Variants in VASN observed in about 807,000 individuals in gnomAD.
VASN encodes the protein vasorin.
In VASN, 5 loss-of-function variants were observed where a neutral mutation model predicts 4.8. That is an observed-to-expected ratio of 1.03 (90% CI 0.54 to 2.17). The LOEUF is 2.17. Ranked by LOEUF, VASN falls within the 30% of genes most tolerant of loss-of-function variation. The pLI is 0.01. For synonymous variants in VASN, 499 were observed against 460.8 expected, an observed-to-expected ratio of 1.08 and a Z score of -1.06; for missense variants, 927 against 948.8, an observed-to-expected ratio of 0.98 and a Z score of 0.30.
rs1372875798 is a variant in VASN, at chr16:4,381,959, C to A, written c.1082C>A (p.Thr361Lys). Reference sequence around the variant, plus strand: ...ACCACCACAGCCACAGTGCCCACCACGAGGCCCGTGGTGCGGGAGCCCACA... The same window carrying A: ...ACCACCACAGCCACAGTGCCCACCAAGAGGCCCGTGGTGCGGGAGCCCACA... ...ATTTTATVPT[T>K]RPVVREPTAL... is the part of the protein sequence containing the mutation. The change falls in exon 2 of 2, where the codon ACG becomes AAG. Residue 361 changes from threonine to lysine, a missense_variant. Thr to Lys is a moderately conservative substitution (Grantham distance 78). Transcript: ENST00000304735. The A allele has an allele frequency of 2.5e-6, 4 of 1,608,570 alleles. No individual in the cohort carries two copies. Among genetic ancestry groups the A allele is most frequent in the Non-Finnish European group, 3.4e-6 (4 of 1,178,982 alleles).
intron 1 of VASN, among the ~76,000 whole-genome samples, chr16:4,377,710 G>C (rs1183452974): frequency 6.6e-6 from 1 of 152,190 alleles, no homozygotes; most frequent in Non-Finnish European, 1.5e-5. Flanking sequence ...TGCCCTCAGA[G>C]CTGCCAGCCT....
chr16:4,377,277 G>C (rs2054769680), intron 1 of VASN, among the ~76,000 whole-genome samples: 1 of 150,844 alleles, frequency 6.6e-6, no homozygotes, highest in South Asian at 2.1e-4. Flanking sequence ...TCCTGCACCA[G>C]GCAGAGGAAA....
intron 1 of VASN, among the ~76,000 whole-genome samples, chr16:4,378,753 C>T (rs1433798515): frequency 6.6e-6 from 1 of 152,070 alleles, no homozygotes; most frequent in Non-Finnish European, 1.5e-5. Flanking sequence ...CTGGAGACAC[C>T]TATGGCAAAG....
chr16:4,379,358 C>T (rs909374214), intron 1 of VASN, among the ~76,000 whole-genome samples: 17 of 152,062 alleles, frequency 1.1e-4, no homozygotes, highest in African/African-American at 3.9e-4. Context: ...CAGCGGTCTC[C>T]CCAGGAGTCT....
In VASN at chr16:4,382,958, C is replaced by G; in HGVS notation, c.*59C>G. The G allele has an allele frequency of 1.4e-6, 2 of 1,433,326 alleles. No individual in the cohort carries two copies. The highest frequency in any genetic ancestry group is 2.0e-4 in the Middle Eastern group (1 of 4,970). 88.8% of individuals were successfully genotyped at this position (1,433,326 alleles called of 1,614,324 possible). On this transcript the variant is annotated 3_prime_UTR_variant, in exon 2 of 2. Coordinates refer to ENST00000304735, the MANE Select transcript of VASN (RefSeq NM_138440.3). ...CTCAGCCAGTGAGATGGCCAGCCCC[C>G]TCCTGCTGCCACACCACGTAAGTTC...
Position 4,383,326 on chromosome 16 carries a change from C to T in VASN, c.*427C>T, listed in dbSNP as rs1458165633. ...TGACTCTAGTCTTGGCCCCAGGAAG[C>T]GAAGGAACAAAAGAAACTGGAAAGG... On this transcript the variant is annotated 3_prime_UTR_variant, in exon 2 of 2. Transcript: ENST00000304735. 4 of 198,034 alleles carry T rather than the reference C, an allele frequency of 2.0e-5. No individual in the cohort carries two copies. Among genetic ancestry groups the T allele is most frequent in the African/African-American group, 4.7e-5 (2 of 42,608 alleles). 12.3% of individuals were successfully genotyped at this position (198,034 alleles called of 1,614,324 possible).
intron 1 of VASN, among the ~76,000 whole-genome samples, chr16:4,372,459 G>C (rs2054569344): frequency 6.6e-6 from 1 of 152,230 alleles, no homozygotes; most frequent in Non-Finnish European, 1.5e-5. Context: ...ACAGCTGGGG[G>C]CTACAGATAT....
In VASN at chr16:4,382,819, G is replaced by C; in HGVS notation, c.1942G>C (p.Gly648Arg). Residue 648 changes from glycine (G) to arginine (R), a missense_variant, in exon 2 of 2, where the codon GGG becomes CGG. Gly to Arg is a moderately radical substitution (Grantham distance 125). Transcript: ENST00000304735. ...TEGGGEALPS[G>R]SECEVPLMGF... ...GGGCGGTGGAGAGGCCCTGCCCAGC[G>C]GGTCTGAGTGTGAGGTGCCACTCAT... 6.3e-7 allele frequency: 1 copy of C among 1,597,004 alleles called. No homozygotes were observed. The highest frequency in any genetic ancestry group is 8.5e-7 in the Non-Finnish European group (1 of 1,172,844).
chr16:4,379,040 A>G (rs1294222807), intron 1 of VASN, among the ~76,000 whole-genome samples: 2 of 151,978 alleles, frequency 1.3e-5, no homozygotes, highest in Non-Finnish European at 2.9e-5. Flanking sequence ...TGACTTGTCT[A>G]ATCTGTCCTG....
intron 1 of VASN, among the ~76,000 whole-genome samples, chr16:4,378,517 G>A (rs1330502987): frequency 1.3e-5 from 2 of 152,180 alleles, no homozygotes; most frequent in East Asian, 3.9e-4. Context: ...CTGGAGGCCA[G>A]GCCGCACCCG....
At chr16:4,379,098 A>AG (rs2141238241) in intron 1 of VASN, among the ~76,000 whole-genome samples, 1 of 152,014 alleles carries the variant, frequency 6.6e-6, no homozygotes, top group South Asian at 2.1e-4. Context: ...TACCTGGGGG[A>AG]GAGGGAGCCC....
chr16:4,376,000 G>A (rs1372382375), intron 1 of VASN, among the ~76,000 whole-genome samples: 1 of 152,212 alleles, frequency 6.6e-6, no homozygotes, highest in Non-Finnish European at 1.5e-5. Context: ...TCTGTGGAAT[G>A]AAGAGCGCCA....
chr16:4,376,258 C>T (rs1051190680), intron 1 of VASN, among the ~76,000 whole-genome samples: 4 of 152,210 alleles, frequency 2.6e-5, no homozygotes, highest in Non-Finnish European at 5.9e-5. Flanking sequence ...TGAGCCTCCT[C>T]GGACACGTCA....
rs939949437 is a variant in VASN, at chr16:4,383,093, C to T, written c.*194C>T. ...CTGTGAGATGCTGTGGCCCAGCTGA[C>T]GAGCCCTAACGTCCCCAGAACCGAG... On this transcript the variant is annotated 3_prime_UTR_variant, in exon 2 of 2. Transcript: ENST00000304735. 6.5e-6 allele frequency: 4 copies of T among 611,792 alleles called. No individual in the cohort carries two copies. The highest frequency in any genetic ancestry group is 2.7e-5 in the South Asian group (1 of 36,978). The allele number at this position is 611,792 out of a possible 1,614,324, so 37.9% of individuals were successfully genotyped here. A position where few individuals can be genotyped will look rare whatever the true frequency, so the allele number is the denominator to read the frequency against.
At position 4,383,351 on chromosome 16, in the gene VASN, G is replaced by A. The variant is rs1198147884; in HGVS notation, c.*452G>A. 1 of 181,038 alleles carries A rather than the reference G, an allele frequency of 5.5e-6. No homozygotes were observed. Among genetic ancestry groups the A allele is most frequent in the African/African-American group, 2.4e-5 (1 of 42,034 alleles). 11.2% of individuals were successfully genotyped at this position (181,038 alleles called of 1,614,324 possible). A position where few individuals can be genotyped will look rare whatever the true frequency, so the allele number is the denominator to read the frequency against. On this transcript the variant is annotated 3_prime_UTR_variant, in exon 2 of 2. Transcript: ENST00000304735. ...CGAAGGAACAAAAGAAACTGGAAAG[G>A]AAGATGCTTTAGGAACATGTTTTGC...
At position 4,381,035 on chromosome 16, in the gene VASN, A is replaced by C. The variant is rs1368243773; in HGVS notation, c.158A>C (p.Asp53Ala). The change falls in exon 2 of 2, where the codon GAC becomes GCC. Residue 53 changes from aspartate (D) to alanine (A), a missense_variant. By Grantham distance (126) the Asp-to-Ala change is moderately radical. Coordinates refer to ENST00000304735, the MANE Select transcript of VASN (RefSeq NM_138440.3). ...ACGGTGCCCCGAGACGTGCCACCCG[A>C]CACGGTGGGGCTGTACGTCTTTGAG... ...GTTVPRDVPP[D>A]TVGLYVFENG... 1 of 1,610,502 alleles carries C rather than the reference A, an allele frequency of 6.2e-7. No individual in the cohort carries two copies. The highest frequency in any genetic ancestry group is 1.3e-5 in the African/African-American group (1 of 74,978).
intron 1 of VASN, among the ~76,000 whole-genome samples, chr16:4,380,078 A>T (rs988508444): frequency 6.7e-6 from 1 of 149,082 alleles, no homozygotes; most frequent in South Asian, 2.1e-4. Context: ...AAAAAAAAGT[A>T]GATGAATGAC....
chr16:4,375,689 C>A (rs1483041467), intron 1 of VASN, among the ~76,000 whole-genome samples: 1 of 152,198 alleles, frequency 6.6e-6, no homozygotes, highest in East Asian at 1.9e-4. Context: ...GGGGTTTCAC[C>A]ATGTTAGCCA....
At chr16:4,374,687 G>A (rs1567265328) in intron 1 of VASN, among the ~76,000 whole-genome samples, 1 of 152,186 alleles carries the variant, frequency 6.6e-6, no homozygotes, top group Non-Finnish European at 1.5e-5. Flanking sequence ...CATCCCGCCT[G>A]CCCATTGATC....
Sources: allele counts gnomAD v4.1 joint callset (sites outside exome capture counted in the v4.1 genomes callset), GRCh38; gene constraint gnomAD v4.1.1; transcripts MANE v1.5; gene names NCBI Gene and HGNC (gene_info 2026-07-23, HGNC 2026-07-21).